Variants in MBNL2 observed in about 807,000 individuals in gnomAD.
The protein encoded by MBNL2 is muscleblind like splicing regulator 2.
A neutral mutation model predicts 41.9 loss-of-function variants in MBNL2; 17 were observed. The observed-to-expected ratio is 0.41, with a 90% CI of 0.28 to 0.61. The LOEUF is 0.61. MBNL2 is among the 20% of genes least tolerant of loss of function. The pLI is 0.35. For missense variants in MBNL2, 336 were observed against 505.6 expected, an observed-to-expected ratio of 0.66 and a Z score of 3.22; for synonymous variants, 195 against 182.9, an observed-to-expected ratio of 1.07 and a Z score of -0.53.
At chr13:97,150,867 G>T in the MBNL2 span, among the ~76,000 whole-genome samples, 1 of 152,164 alleles carries the variant, frequency 6.6e-6, no homozygotes, top group African/African-American at 2.4e-5. Flanking sequence ...GCTGCCCAGG[G>T]CCCAGGGAAG....
At position 97,257,017 on chromosome 13, in the gene MBNL2, C is replaced by T. The variant is rs557274636; in HGVS notation, c.-604-18615C>T. ...AAGAGACTGTATTGGCAAAATAATA[C>T]TTTAAATCGGAAAGCATTACTGCAT... On this transcript the variant is annotated intron_variant, in intron 1 of 8. Transcript: ENST00000679496. Among the ~76,000 whole-genome samples, 200 of 152,262 alleles carry T rather than the reference C, an allele frequency of 1.3e-3. 1 individual carries two copies. The highest frequency in any genetic ancestry group is 1.8e-3 in the Non-Finnish European group (125 of 67,994).
chr13:97,286,612 A>G lies in MBNL2; in HGVS notation c.174+10203A>G, dbSNP rs4771989. Among the ~76,000 whole-genome samples the G allele has an allele frequency of 1.8e-3, 278 of 152,020 alleles. 1 individual carries two copies. The highest frequency in any genetic ancestry group is 6.4e-3 in the African/African-American group (264 of 41,432). On this transcript the variant is annotated intron_variant, in intron 2 of 8. Coordinates refer to ENST00000679496, the MANE Select transcript of MBNL2 (RefSeq NM_001382683.1). ...TTATGAAATTCAAAGTCCCTTAAGG[A>G]CCTATGTGATGTGGCACCTGTTGCA...
chr13:97,185,667 CAA>C, the MBNL2 span, among the ~76,000 whole-genome samples: 1 of 152,202 alleles, frequency 6.6e-6, no homozygotes, highest in East Asian at 1.9e-4. Flanking sequence ...TTGGAAACGA[CAA>C]AGAGATTTTC....
rs544050742 is a variant in MBNL2 at position 97,342,460 on chromosome 13, A to C, written c.340-556A>C. On this transcript the variant is annotated intron_variant, in intron 3 of 8. Coordinates refer to ENST00000679496, the MANE Select transcript of MBNL2 (RefSeq NM_001382683.1). The stretch of plus-strand genomic sequence containing the variant: ...AACTACAGCAAAAAATCGTAGGTTT[A>C]TTTGAAAACTACATTTGAATTTTGG... Among the ~76,000 whole-genome samples the C allele has an allele frequency of 2.9e-4, 44 of 152,372 alleles. 2 individuals are homozygous for C. The South Asian group carries it at 3.7e-3, about 13-fold the overall frequency.
chr13:97,154,369 T>G, the MBNL2 span, among the ~76,000 whole-genome samples: 1 of 152,092 alleles, frequency 6.6e-6, no homozygotes, highest in Non-Finnish European at 1.5e-5. Context: ...GGCTGGAGTG[T>G]AGTGGTGCAA....
intron 8 of MBNL2, among the ~76,000 whole-genome samples, chr13:97,378,759 T>C (rs1479874895): frequency 6.6e-6 from 1 of 151,902 alleles, no homozygotes; most frequent in Non-Finnish European, 1.5e-5. Context: ...AAATAGAAAC[T>C]GAAAAAAAAT....
upstream of MBNL2, among the ~76,000 whole-genome samples, chr13:97,217,917 A>G (rs2040509063): frequency 6.6e-6 from 1 of 152,174 alleles, no homozygotes; most frequent in South Asian, 2.1e-4. Context: ...GATTCCAGAG[A>G]CAGGAATTCA....
intron 8 of MBNL2, among the ~76,000 whole-genome samples, chr13:97,375,456 T>C (rs2064874785): frequency 6.6e-6 from 1 of 152,066 alleles, no homozygotes; most frequent in Non-Finnish European, 1.5e-5. Context: ...GAGGGGTGTG[T>C]AGGAATGAGA....
At position 97,393,380 on chromosome 13, in the gene MBNL2, A is replaced by C. The variant is rs569204118; in HGVS notation, c.*1931A>C. 1 of 152,454 alleles carries C rather than the reference A, an allele frequency of 6.6e-6. No individual in the cohort carries two copies. Among genetic ancestry groups the C allele is most frequent in the East Asian group, 1.9e-4 (1 of 5,186 alleles). 9.4% of individuals were successfully genotyped at this position (152,454 alleles called of 1,614,324 possible). A position where few individuals can be genotyped will look rare whatever the true frequency, so the allele number is the denominator to read the frequency against. On this transcript the variant is annotated 3_prime_UTR_variant, in exon 9 of 9. Transcript: ENST00000679496. Reference sequence around the variant, plus strand: ...AATATTTTTGTAGATTAATTGTTGTAACATTGTCTTTCTTTTTTTTCTTTT... The same window carrying C: ...AATATTTTTGTAGATTAATTGTTGTCACATTGTCTTTCTTTTTTTTCTTTT...
At chr13:97,383,880 T>C (rs2065703461) in intron 8 of MBNL2, among the ~76,000 whole-genome samples, 1 of 152,042 alleles carries the variant, frequency 6.6e-6, no homozygotes, top group Non-Finnish European at 1.5e-5. Flanking sequence ...CTACTGATGA[T>C]CTCTGAGCTT....
At chr13:97,387,890 G>T (rs2066057330) in intron 8 of MBNL2, among the ~76,000 whole-genome samples, 1 of 152,148 alleles carries the variant, frequency 6.6e-6, no homozygotes, top group Admixed American at 6.5e-5. Context: ...AGAGGAGACT[G>T]GCAGGAGACC....
chr13:97,296,327 A>G (rs533112889), intron 2 of MBNL2, among the ~76,000 whole-genome samples: 2 of 152,360 alleles, frequency 1.3e-5, no homozygotes, highest in Admixed American at 1.3e-4. Flanking sequence ...TGGCATATTA[A>G]TTGGTAATTT....
chr13:97,339,381 A>G (rs556848404), intron 3 of MBNL2, among the ~76,000 whole-genome samples: 1 of 152,160 alleles, frequency 6.6e-6, no homozygotes, highest in Non-Finnish European at 1.5e-5. Flanking sequence ...GGTGGAGTAG[A>G]GAACAGGGGC....
chr13:97,192,922 C>T, the MBNL2 span, among the ~76,000 whole-genome samples: 5 of 152,186 alleles, frequency 3.3e-5, no homozygotes, highest in African/African-American at 9.7e-5. Context: ...GAAAAATAGA[C>T]GTTAGTTTAC....
chr13:97,218,752 G>C (rs1044072398), upstream of MBNL2, among the ~76,000 whole-genome samples: 4 of 151,840 alleles, frequency 2.6e-5, no homozygotes, highest in African/African-American at 9.7e-5. Context: ...GGAGGAGGAG[G>C]AAAAGGAGAA....
At chr13:97,349,438 T>TAATC (rs941261911) in intron 5 of MBNL2, among the ~76,000 whole-genome samples, 1 of 152,230 alleles carries the variant, frequency 6.6e-6, no homozygotes, top group Admixed American at 6.5e-5. Context: ...TTTTTCATTG[T>TAATC]AATCATTATT....
At chr13:97,249,921 G>C (rs983169815) in intron 1 of MBNL2, among the ~76,000 whole-genome samples, 2 of 152,162 alleles carry the variant, frequency 1.3e-5, no homozygotes, top group African/African-American at 4.8e-5. Context: ...TTTTGGGCAG[G>C]AGGCTAAGTA....
the MBNL2 span, among the ~76,000 whole-genome samples, chr13:97,204,761 C>T: frequency 1.3e-5 from 2 of 152,092 alleles, no homozygotes; most frequent in Non-Finnish European, 2.9e-5. Context: ...GCTGGGTCCC[C>T]CAGGTCAATG....
At chr13:97,262,306 C>G (rs1442525334) in intron 1 of MBNL2, among the ~76,000 whole-genome samples, 1 of 152,212 alleles carries the variant, frequency 6.6e-6, no homozygotes, top group Non-Finnish European at 1.5e-5. Context: ...GCAGGGACTT[C>G]CCCTTCGTGA....
Sources: allele counts gnomAD v4.1 joint callset (sites outside exome capture counted in the v4.1 genomes callset), GRCh38; gene constraint gnomAD v4.1.1; transcripts MANE v1.5; gene names NCBI Gene and HGNC (gene_info 2026-07-23, HGNC 2026-07-21).